Variants in ELOVL6 observed in about 807,000 individuals in gnomAD.
The protein encoded by ELOVL6 is ELOVL fatty acid elongase 6.
In ELOVL6, 8 loss-of-function variants were observed where a neutral mutation model predicts 31.7. The ratio of observed to expected loss-of-function variants is 0.25; its 90% CI spans 0.15 to 0.45. The LOEUF is 0.45. Among genes scored for constraint, ELOVL6 ranks in the 20% least tolerant of loss-of-function variants. The pLI, the probability that ELOVL6 is intolerant of heterozygous loss-of-function variation, is 1.00. For synonymous variants in ELOVL6, 101 were observed against 117.7 expected, an observed-to-expected ratio of 0.86 and a Z score of 0.92; for missense variants, 126 against 326.4, an observed-to-expected ratio of 0.39 and a Z score of 4.73.
intron 1 of ELOVL6, among the ~76,000 whole-genome samples, chr4:110,111,306 C>G (rs1281730755): frequency 2.0e-5 from 3 of 150,996 alleles, no homozygotes; most frequent in Non-Finnish European, 4.4e-5. Flanking sequence ...TAAAAAGACT[C>G]TTTAATACTT....
intron 2 of ELOVL6, among the ~76,000 whole-genome samples, chr4:110,069,020 A>T (rs1374891716): frequency 6.6e-6 from 1 of 151,940 alleles, no homozygotes; most frequent in Non-Finnish European, 1.5e-5. Context: ...CAGCGCCTGT[A>T]GTCCCAGCTA....
intron 1 of ELOVL6, among the ~76,000 whole-genome samples, chr4:110,192,690 C>T (rs1000702943): frequency 6.6e-6 from 1 of 152,156 alleles, no homozygotes; most frequent in Non-Finnish European, 1.5e-5. Context: ...CATGAAAGTT[C>T]ATATCAAAGC....
At chr4:110,129,258 A>T (rs1223427204) in intron 1 of ELOVL6, among the ~76,000 whole-genome samples, 1 of 152,184 alleles carries the variant, frequency 6.6e-6, no homozygotes, top group Non-Finnish European at 1.5e-5. Context: ...AGTGAGACAC[A>T]TCTACACTGG....
intron 2 of ELOVL6, among the ~76,000 whole-genome samples, chr4:110,104,130 A>G (rs1756823825): frequency 6.6e-6 from 1 of 152,228 alleles, no homozygotes; most frequent in South Asian, 2.1e-4. Context: ...GTTAAAATTT[A>G]AAATAACAAA....
intron 1 of ELOVL6, among the ~76,000 whole-genome samples, chr4:110,120,791 T>C (rs1044967102): frequency 2.4e-4 from 35 of 144,430 alleles, no homozygotes; most frequent in African/African-American, 8.4e-4. Context: ...TTTCTTTTTT[T>C]TCTTTTCTTT....
At chr4:110,125,699 C>T (rs572294582) in intron 1 of ELOVL6, among the ~76,000 whole-genome samples, 10 of 151,718 alleles carry the variant, frequency 6.6e-5, no homozygotes, top group South Asian at 2.1e-4. Context: ...TGGTGGCATA[C>T]GCCTGTAGTC....
chr4:110,176,959 T>A (rs1759126478), intron 1 of ELOVL6, among the ~76,000 whole-genome samples: 2 of 152,168 alleles, frequency 1.3e-5, no homozygotes, highest in Non-Finnish European at 2.9e-5. Flanking sequence ...GGTCTCGAAC[T>A]CCTGACCTCA....
chr4:110,084,012 G>C (rs13119864), intron 2 of ELOVL6, among the ~76,000 whole-genome samples: 138 of 10,878 alleles, frequency 0.013, 21 homozygotes, highest in African/African-American at 0.047. Context: ...GCCATATATG[G>C]TATATAACAT....
intron 1 of ELOVL6, among the ~76,000 whole-genome samples, chr4:110,173,204 GAACA>G (rs1759004852): frequency 2.0e-5 from 3 of 152,274 alleles, no homozygotes; most frequent in South Asian, 4.1e-4. Context: ...TCAAGCATGA[GAACA>G]AACAGAGAGA....
intron 1 of ELOVL6, among the ~76,000 whole-genome samples, chr4:110,196,484 G>A (rs1278445573): frequency 6.6e-6 from 1 of 152,190 alleles, no homozygotes; most frequent in Non-Finnish European, 1.5e-5. Context: ...TCCAGAGAAG[G>A]ACCCCGGGCG....
intron 3 of ELOVL6, among the ~76,000 whole-genome samples, chr4:110,052,059 T>C (rs1754850634): frequency 6.6e-6 from 1 of 152,172 alleles, no homozygotes; most frequent in Non-Finnish European, 1.5e-5. Flanking sequence ...AAGCAGCAAA[T>C]GTTTCTTTCA....
rs1368551518 is a variant in ELOVL6 at position 110,050,149 on chromosome 4, C to T, written c.*1189G>A. ...AGCCAGCAGAGGGCCCTTTAAACACCTCTACATTGCTTGGGGAGCAAATGC... is the reference window on the plus strand; with the variant it reads ...AGCCAGCAGAGGGCCCTTTAAACACTTCTACATTGCTTGGGGAGCAAATGC... On this transcript the variant is annotated 3_prime_UTR_variant, in exon 4 of 4. Transcript: ENST00000302274. The T allele has an allele frequency of 2.0e-5, 3 of 152,568 alleles. No homozygotes were observed. The highest frequency in any genetic ancestry group is 2.9e-5 in the Non-Finnish European group (2 of 68,040). The allele number at this position is 152,568 out of a possible 1,614,324, so 9.5% of individuals were successfully genotyped here. A position where few individuals can be genotyped will look rare whatever the true frequency, so the allele number is the denominator to read the frequency against.
intron 2 of ELOVL6, among the ~76,000 whole-genome samples, chr4:110,062,318 C>T (rs1444418280): frequency 6.6e-6 from 1 of 152,174 alleles, no homozygotes; most frequent in Admixed American, 6.5e-5. Flanking sequence ...AAGGCTAACT[C>T]AGAACAGAGG....
Position 110,051,247 on chromosome 4 carries a change from G to C in ELOVL6, c.*91C>G. On this transcript the variant is annotated 3_prime_UTR_variant, in exon 4 of 4. Coordinates refer to ENST00000302274, the MANE Select transcript of ELOVL6 (RefSeq NM_024090.3). The surrounding 1 kb of genome is among the most constrained non-coding windows in gnomAD (Gnocchi z 4.8). The stretch of plus-strand genomic sequence containing the variant: ...TTTGCTCATGTTTTGTTTTGTTTTA[G>C]CTGCACCACGTGTGATTCCTTGTGC... The C allele has an allele frequency of 7.5e-7, 1 of 1,341,052 alleles. No individual in the cohort carries two copies. The highest frequency in any genetic ancestry group is 1.0e-6 in the Non-Finnish European group (1 of 968,540). 83.1% of individuals were successfully genotyped at this position (1,341,052 alleles called of 1,614,324 possible). A position where few individuals can be genotyped will look rare whatever the true frequency, so the allele number is the denominator to read the frequency against.
At chr4:110,142,574 C>T (rs575868423) in intron 1 of ELOVL6, among the ~76,000 whole-genome samples, 9 of 152,300 alleles carry the variant, frequency 5.9e-5, no homozygotes, top group African/African-American at 2.2e-4. Context: ...AAATGAATGA[C>T]TTAATGGAAT....
intron 2 of ELOVL6, among the ~76,000 whole-genome samples, chr4:110,071,937 C>T (rs1755496765): frequency 6.6e-6 from 1 of 152,230 alleles, no homozygotes; most frequent in East Asian, 1.9e-4. Flanking sequence ...AACTCTTTGG[C>T]TGATAACTTC....
At chr4:110,176,215 T>A (rs2126275624) in intron 1 of ELOVL6, among the ~76,000 whole-genome samples, 1 of 152,270 alleles carries the variant, frequency 6.6e-6, no homozygotes, top group South Asian at 2.1e-4. Flanking sequence ...CACGCTGGAA[T>A]GCAGTGGCGT....
intron 2 of ELOVL6, among the ~76,000 whole-genome samples, chr4:110,095,561 T>C (rs189840704): frequency 2.6e-5 from 4 of 151,824 alleles, no homozygotes; most frequent in Non-Finnish European, 4.4e-5. Context: ...ATATACCATG[T>C]TGGCTTGGAT....
intron 3 of ELOVL6, among the ~76,000 whole-genome samples, chr4:110,056,134 T>A (rs1472411703): frequency 1.5e-5 from 2 of 136,594 alleles, no homozygotes; most frequent in Non-Finnish European, 3.2e-5. Flanking sequence ...GGGGGGGGGA[T>A]ACAGTTTCAG....
Sources: gnomAD v4.1 joint callset for allele counts (sites outside exome capture counted in the v4.1 genomes callset) on GRCh38, gnomAD v4.1.1 for gene constraint, Gnocchi (gnomAD v3.1) non-coding constraint, MANE v1.5 for transcripts, NCBI Gene and HGNC (gene_info 2026-07-23, HGNC 2026-07-21) for gene names.